TLL1: variants seen among roughly 807,000 people sequenced by gnomAD.
The protein encoded by TLL1 is tolloid like 1.
TLL1 carries 49 observed loss-of-function variants against 128.2 expected under a neutral mutation model. The observed-to-expected ratio is 0.38, with a 90% CI of 0.30 to 0.48. The LOEUF is 0.48. TLL1 is among the 20% of genes least tolerant of loss of function. TLL1 has a pLI of 0.96. For missense variants in TLL1, 1,123 were observed against 1,242.0 expected, an observed-to-expected ratio of 0.90 and a Z score of 1.44; for synonymous variants, 454 against 418.8, an observed-to-expected ratio of 1.08 and a Z score of -1.03.
chr4:165,989,778 A>G (rs1560794267), intron 2 of TLL1, among the ~76,000 whole-genome samples: 1 of 151,474 alleles, frequency 6.6e-6, no homozygotes, highest in Admixed American at 6.6e-5. Flanking sequence ...CAGGGTAGTT[A>G]CTAATATTAC....
chr4:166,091,431 A>G (rs1009116027), intron 19 of TLL1, 90 bp downstream of exon 19: 1 of 1,112,870 alleles, frequency 9.0e-7, no homozygotes, highest in Admixed American at 2.1e-5. Context: ...ATTGTAAATA[A>G]ATCTCCAAGC....
chr4:165,920,169 T>C (rs926943004), intron 1 of TLL1, among the ~76,000 whole-genome samples: 2 of 152,204 alleles, frequency 1.3e-5, no homozygotes, highest in African/African-American at 4.8e-5. Context: ...TTCAATTCCA[T>C]GAAAATACTA....
intron 1 of TLL1, among the ~76,000 whole-genome samples, chr4:165,949,375 T>G (rs1579528059): frequency 6.6e-6 from 1 of 152,224 alleles, no homozygotes; most frequent in African/African-American, 2.4e-5. Context: ...GATTTCAGCC[T>G]TATGAAGCTC....
intron 13 of TLL1, 31 bp from the exon 14 acceptor site, chr4:166,057,153 A>G: frequency 6.2e-7 from 1 of 1,612,952 alleles, no homozygotes; most frequent in Non-Finnish European, 8.5e-7. Context: ...ATATATGTAT[A>G]GTTGTTCTAT....
chr4:166,077,020 A>C (rs1372265514), intron 17 of TLL1, among the ~76,000 whole-genome samples: 4 of 152,090 alleles, frequency 2.6e-5, no homozygotes, highest in African/African-American at 9.7e-5. Flanking sequence ...ATTTCACCAA[A>C]TATATTGCTC....
chr4:166,024,503 A>C (rs955673195), intron 8 of TLL1, among the ~76,000 whole-genome samples: 8 of 152,194 alleles, frequency 5.3e-5, no homozygotes, highest in Non-Finnish European at 8.8e-5. Context: ...AAGATACTTC[A>C]AACAGCCTAG....
At position 166,039,272 on chromosome 4, in the gene TLL1, G is replaced by A. The variant is rs368322614; in HGVS notation, c.1159-67G>A. The A allele has an allele frequency of 1.5e-5, 17 of 1,114,060 alleles. No individual in the cohort carries two copies. In the African/African-American group the frequency reaches 2.0e-4, roughly 13 times the overall value. 69.0% of individuals were successfully genotyped at this position (1,114,060 alleles called of 1,614,324 possible). A position where few individuals can be genotyped will look rare whatever the true frequency, so the allele number is the denominator to read the frequency against. On this transcript the variant is annotated intron_variant, in intron 9 of 20. Transcript: ENST00000061240. ...TGTAGACCAGGGTTCCTTACCTTTAGGAATCAAATCACTATATGTAGATAC... is the reference window on the plus strand; with the variant it reads ...TGTAGACCAGGGTTCCTTACCTTTAAGAATCAAATCACTATATGTAGATAC...
chr4:165,936,720 T>C (rs72970184), intron 1 of TLL1, among the ~76,000 whole-genome samples: 16,047 of 151,428 alleles, frequency 0.11, 1,138 homozygotes, highest in East Asian at 0.21. Flanking sequence ...CTGAGGTCAG[T>C]AGTTCAAGAC....
At chr4:165,932,338 C>A (rs985710944) in intron 1 of TLL1, among the ~76,000 whole-genome samples, 3 of 152,152 alleles carry the variant, frequency 2.0e-5, no homozygotes, top group Admixed American at 1.3e-4. Flanking sequence ...TTATACTGAG[C>A]GTTTCTCAGT....
At chr4:166,022,436 A>G (rs957692991) in intron 8 of TLL1, among the ~76,000 whole-genome samples, 32 of 152,154 alleles carry the variant, frequency 2.1e-4, no homozygotes, top group African/African-American at 2.4e-5. Flanking sequence ...TTGGCCTCCC[A>G]AAGTGCTGAG....
intron 1 of TLL1, among the ~76,000 whole-genome samples, chr4:165,910,466 A>AT (rs1326677866): frequency 6.6e-6 from 1 of 152,216 alleles, no homozygotes; most frequent in Non-Finnish European, 1.5e-5. Context: ...GCTCATATCC[A>AT]TTGATTCCTA....
At position 165,989,452 on chromosome 4, in the gene TLL1, C is replaced by T; in HGVS notation, c.241C>T (p.Leu81Phe). The change falls in exon 2 of 21, where the codon CTT becomes TTT. Residue 81 changes from leucine to phenylalanine, a missense_variant. By Grantham distance (22) the Leu-to-Phe change is conservative (BLOSUM62 0). This residue lies in a region of TLL1 where 480 missense variants were observed against 542.4 expected (regional missense o/e 0.89). Coordinates refer to ENST00000061240, the MANE Select transcript of TLL1 (RefSeq NM_012464.5). Reference sequence around the variant, plus strand: ...CTTTCAAATAGATAGGACAATTGACCTTACGCAGAACCCCTTTGGAAACCT... The same window carrying T: ...CTTTCAAATAGATAGGACAATTGACTTTACGCAGAACCCCTTTGGAAACCT... ...NIFQIDRTID[L>F]TQNPFGNLGH... The T allele has an allele frequency of 6.2e-7, 1 of 1,612,784 alleles. No homozygotes were observed. The highest frequency in any genetic ancestry group is 8.5e-7 in the Non-Finnish European group (1 of 1,179,292).
intron 20 of TLL1, among the ~76,000 whole-genome samples, chr4:166,100,180 C>A (rs1208005325): frequency 6.6e-6 from 1 of 152,062 alleles, no homozygotes; most frequent in African/African-American, 2.4e-5. Flanking sequence ...ATATTTTGTC[C>A]TGAAGATAGT....
At chr4:165,926,962 C>G (rs983630261) in intron 1 of TLL1, among the ~76,000 whole-genome samples, 2 of 152,036 alleles carry the variant, frequency 1.3e-5, no homozygotes, top group African/African-American at 4.8e-5. Context: ...GTTTCTTTTT[C>G]AAAAATAAAA....
Position 166,000,613 on chromosome 4 carries a change from TA to T in TLL1, c.633-2777del, listed in dbSNP as rs1398536368. ...AATAAAGCCAGTAAGAATGACTCAA[TA>T]GGGGTAATTTAGTTGCTGTATAATC... On this transcript the variant is annotated intron_variant, in intron 5 of 20. Transcript: ENST00000061240. Among the ~76,000 whole-genome samples, 3 of 152,194 alleles carry T rather than the reference TA, an allele frequency of 2.0e-5. No homozygotes were observed. In the East Asian group the frequency reaches 5.8e-4, roughly 29 times the overall value.
At position 165,873,931 on chromosome 4, in the gene TLL1, G is replaced by A; in HGVS notation, c.27G>A (p.Arg9=). MGLGTLSP[R]MLVWLVASGI... ...TGGGGTTGGGAACGCTTTCCCCGAG[G>A]ATGCTCGTGTGGCTGGTGGCCTCGG... The change falls in exon 1 of 21, where the codon AGG becomes AGA. Residue 9 remains arginine (R), a synonymous_variant. Coordinates refer to ENST00000061240, the MANE Select transcript of TLL1 (RefSeq NM_012464.5). The A allele has an allele frequency of 6.2e-7, 1 of 1,614,134 alleles. No homozygotes were observed. Among genetic ancestry groups the A allele is most frequent in the Non-Finnish European group, 8.5e-7 (1 of 1,180,030 alleles).
At chr4:165,902,616 C>T (rs189489676) in intron 1 of TLL1, among the ~76,000 whole-genome samples, 161 of 152,232 alleles carry the variant, frequency 1.1e-3, no homozygotes, top group African/African-American at 3.6e-3. Context: ...TGCATCCAGT[C>T]CCAGTGAGAT....
intron 14 of TLL1, 136 bp downstream of exon 14, chr4:166,057,445 A>G (rs1051128109): frequency 7.5e-7 from 1 of 1,326,384 alleles, no homozygotes; most frequent in Non-Finnish European, 1.0e-6. Flanking sequence ...GACTCAATTC[A>G]CAGTCACAGC....
In TLL1 at chr4:165,897,086, A is replaced by AT. The variant is rs370207263; in HGVS notation, c.169+23022dup. 4.0e-3 allele frequency among the ~76,000 whole-genome samples: 602 copies of AT among 150,684 alleles called. 5 individuals are homozygous for AT. Among genetic ancestry groups the AT allele is most frequent in the African/African-American group, 0.011 (467 of 41,124 alleles). ...TTTCATATCCTTCACCCACTTCTTGATTTTTTTTTCTTGTAAATTTGTTTA... is the reference window on the plus strand; with the variant it reads ...TTTCATATCCTTCACCCACTTCTTGATTTTTTTTTTCTTGTAAATTTGTTTA... On this transcript the variant is annotated intron_variant, in intron 1 of 20. Coordinates refer to ENST00000061240, the MANE Select transcript of TLL1 (RefSeq NM_012464.5).
Sources: allele counts gnomAD v4.1 joint callset (sites outside exome capture counted in the v4.1 genomes callset), GRCh38; gene constraint gnomAD v4.1.1; regional missense constraint gnomAD v4.1.1; transcripts MANE v1.5; gene names NCBI Gene and HGNC (gene_info 2026-07-23, HGNC 2026-07-21).